LY96: variants seen among roughly 807,000 people sequenced by gnomAD.
LY96 encodes the protein lymphocyte antigen 96, also known as myeloid differentiation protein-2.
Under a neutral mutation model 18.9 loss-of-function variants are expected in LY96, and 18 were observed. That is an observed-to-expected ratio of 0.95 (90% CI 0.66 to 1.41). The LOEUF is 1.41. Ranked by LOEUF, LY96 falls within the 40% of genes most tolerant of loss-of-function variation. The pLI is 0.00. For synonymous variants in LY96, 66 were observed against 62.6 expected (o/e 1.06, Z -0.26); for missense variants, 175 against 182.4 (o/e 0.96, Z 0.23).
intron 3 of LY96, among the ~76,000 whole-genome samples, chr8:74,014,842 C>A (rs886972451): frequency 1.3e-5 from 2 of 151,600 alleles, no homozygotes; most frequent in African/African-American, 4.9e-5. Context: ...CACACACACA[C>A]ACACATATAT....
chr8:74,084,771 G>A, the LY96 span, among the ~76,000 whole-genome samples: 6 of 151,898 alleles, frequency 4.0e-5, no homozygotes, highest in South Asian at 4.1e-4. Context: ...CTGCCACCAC[G>A]CCCGGCTAAT....
chr8:74,091,093 A>T, the LY96 span, among the ~76,000 whole-genome samples: 1 of 124,910 alleles, frequency 8.0e-6, no homozygotes, highest in Non-Finnish European at 1.8e-5. Flanking sequence ...AGGTGGGTGG[A>T]TGTACAGAAA....
downstream of LY96, among the ~76,000 whole-genome samples, chr8:74,032,781 T>C (rs530287430): frequency 6.6e-6 from 1 of 152,318 alleles, no homozygotes; most frequent in South Asian, 2.1e-4. Context: ...TTGATTGGGT[T>C]GATGCAGGAC....
chr8:74,007,787 T>C (rs1284502963), intron 2 of LY96, among the ~76,000 whole-genome samples: 1 of 151,912 alleles, frequency 6.6e-6, no homozygotes, highest in Non-Finnish European at 1.5e-5. Flanking sequence ...TGAGATGGAG[T>C]CTCACTCTGT....
At chr8:74,040,685 A>G in the LY96 span, among the ~76,000 whole-genome samples, 1 of 130,810 alleles carries the variant, frequency 7.6e-6, no homozygotes, top group Non-Finnish European at 1.6e-5. Context: ...CTTTTCCATT[A>G]CTCTATGTGT....
the LY96 span, among the ~76,000 whole-genome samples, chr8:74,040,206 T>A: frequency 2.2e-4 from 34 of 152,382 alleles, no homozygotes; most frequent in South Asian, 6.8e-3. Flanking sequence ...ATTATACTAA[T>A]GATTGATAAT....
the LY96 span, among the ~76,000 whole-genome samples, chr8:74,077,219 C>T: frequency 2.0e-5 from 3 of 152,086 alleles, no homozygotes; most frequent in East Asian, 3.8e-4. Flanking sequence ...TCTCATTGTT[C>T]GAGAGTTTTT....
At chr8:74,022,294 C>T (rs1438893291) in intron 3 of LY96, among the ~76,000 whole-genome samples, 1 of 151,978 alleles carries the variant, frequency 6.6e-6, no homozygotes, top group Non-Finnish European at 1.5e-5. Flanking sequence ...GTAATCCCCG[C>T]TACCACCCGG....
chr8:74,056,959 T>C, the LY96 span, among the ~76,000 whole-genome samples: 2 of 152,220 alleles, frequency 1.3e-5, no homozygotes, highest in Admixed American at 1.3e-4. Context: ...TAACTTGTTA[T>C]GGCAGCGACA....
the LY96 span, among the ~76,000 whole-genome samples, chr8:74,086,529 T>C: frequency 6.6e-6 from 1 of 152,194 alleles, no homozygotes; most frequent in African/African-American, 2.4e-5. Context: ...AAGTCAGGGG[T>C]TCCTGCCTTT....
intron 2 of LY96, among the ~76,000 whole-genome samples, chr8:74,007,438 A>T (rs1328676917): frequency 6.6e-6 from 1 of 152,214 alleles, no homozygotes; most frequent in Non-Finnish European, 1.5e-5. Flanking sequence ...TTATAGCGCA[A>T]TTATGTTTCC....
the LY96 span, among the ~76,000 whole-genome samples, chr8:74,084,022 C>CTT: frequency 6.9e-6 from 1 of 144,366 alleles, no homozygotes; most frequent in Non-Finnish European, 1.5e-5. Flanking sequence ...CCCTCATGCT[C>CTT]TTTTTTTTTT....
chr8:74,041,045 C>T, the LY96 span, among the ~76,000 whole-genome samples: 1 of 152,068 alleles, frequency 6.6e-6, no homozygotes, highest in African/African-American at 2.4e-5. Flanking sequence ...TCAGGGACCC[C>T]AAACGGAGGG....
chr8:74,060,562 A>G, the LY96 span, among the ~76,000 whole-genome samples: 501 of 152,344 alleles, frequency 3.3e-3, 4 homozygotes, highest in African/African-American at 0.011. Flanking sequence ...CTTCTTGCAC[A>G]TAATAGGTGT....
At chr8:74,020,687 A>C (rs1287329674) in intron 3 of LY96, among the ~76,000 whole-genome samples, 1 of 152,202 alleles carries the variant, frequency 6.6e-6, no homozygotes, top group Non-Finnish European at 1.5e-5. Context: ...AGGCTACAGT[A>C]ACCAAAACAG....
chr8:74,095,993 A>G, the LY96 span, among the ~76,000 whole-genome samples: 1 of 152,126 alleles, frequency 6.6e-6, no homozygotes, highest in African/African-American at 2.4e-5. Flanking sequence ...TTCACATCTC[A>G]GTTAAGGACA....
chr8:74,071,875 C>T, the LY96 span, among the ~76,000 whole-genome samples: 5 of 152,274 alleles, frequency 3.3e-5, no homozygotes, highest in Admixed American at 2.6e-4. Flanking sequence ...TATCGTGTTG[C>T]ATTGTGTGGA....
intron 3 of LY96, among the ~76,000 whole-genome samples, chr8:74,015,774 G>T (rs1816629337): frequency 6.6e-6 from 1 of 152,150 alleles, no homozygotes; most frequent in Non-Finnish European, 1.5e-5. Flanking sequence ...TTTGAGAAGA[G>T]GAGAGGAGAG....
the LY96 span, among the ~76,000 whole-genome samples, chr8:74,080,984 C>CTCTTTCTTTCTTTCTT: frequency 1.4e-3 from 146 of 105,238 alleles, no homozygotes; most frequent in East Asian, 4.7e-3. Context: ...TTCTTTCTCT[C>CTCTTTCTTTCTTTCTT]TCTTTCTTTC....
Sources: gnomAD v4.1 joint callset for allele counts (sites outside exome capture counted in the v4.1 genomes callset) on GRCh38, gnomAD v4.1.1 for gene constraint, MANE v1.5 for transcripts, NCBI Gene and HGNC (gene_info 2026-07-23, HGNC 2026-07-21) for gene names.